The following MMP16 variants were observed in gnomAD, a reference collection of about 807,000 sequenced individuals.
The protein encoded by MMP16 is matrix metalloproteinase-16.
Under a neutral mutation model 67.8 loss-of-function variants are expected in MMP16, and 12 were observed. That is an observed-to-expected ratio of 0.18 (90% CI 0.11 to 0.29). The LOEUF (loss-of-function observed/expected upper bound fraction) is 0.29, where lower values mean the gene tolerates loss of function less well. Among genes scored for constraint, MMP16 ranks in the 10% least tolerant of loss-of-function variants. The probability of loss-of-function intolerance (pLI) is 1.00; values close to 1 mark genes in which losing one functional copy is unlikely to be tolerated. For synonymous variants in MMP16, 249 were observed against 255.9 expected (o/e 0.97, Z 0.26); for missense variants, 475 against 765.7 (o/e 0.62, Z 4.48).
chr8:88,177,034 T>A (rs929709516), intron 3 of MMP16, among the ~76,000 whole-genome samples: 14 of 152,240 alleles, frequency 9.2e-5, no homozygotes, highest in Non-Finnish European at 2.9e-5. Context: ...TCTCTTCATT[T>A]TTTGTTCATC....
At chr8:88,303,414 A>G (rs1291813285) in intron 1 of MMP16, among the ~76,000 whole-genome samples, 1 of 152,140 alleles carries the variant, frequency 6.6e-6, no homozygotes, top group Non-Finnish European at 1.5e-5. Flanking sequence ...GCCTGTCCAG[A>G]AGAAGAGGGG....
chr8:88,129,142 T>C (rs1807985678), intron 4 of MMP16, among the ~76,000 whole-genome samples: 1 of 151,786 alleles, frequency 6.6e-6, no homozygotes, highest in Admixed American at 6.6e-5. Context: ...CACCTGGATA[T>C]ATTTACATAC....
At chr8:88,301,601 G>T (rs1811100204) in intron 1 of MMP16, among the ~76,000 whole-genome samples, 1 of 152,092 alleles carries the variant, frequency 6.6e-6, no homozygotes, top group Non-Finnish European at 1.5e-5. Flanking sequence ...GACATTATGT[G>T]TATATAGTTA....
chr8:88,225,691 A>G (rs547989341), intron 1 of MMP16, among the ~76,000 whole-genome samples: 1 of 151,644 alleles, frequency 6.6e-6, no homozygotes, highest in African/African-American at 2.4e-5. Context: ...GTGCTCAAGT[A>G]GTATCAATAT....
chr8:88,108,612 C>A (rs181603606), intron 6 of MMP16, among the ~76,000 whole-genome samples: 1 of 151,132 alleles, frequency 6.6e-6, no homozygotes, highest in Non-Finnish European at 1.5e-5. Flanking sequence ...TGATTGATAG[C>A]GCTGGGATTG....
rs138404888 is a variant in MMP16 at position 88,247,154 on chromosome 8, T to C, written c.133-49848A>G. Reference sequence around the variant, plus strand: ...AGGGTAGGGGCACGGTCAACATTCATTGTATCTTAAATCTTCATACAATGT... The same window carrying C: ...AGGGTAGGGGCACGGTCAACATTCACTGTATCTTAAATCTTCATACAATGT... On this transcript the variant is annotated intron_variant, in intron 1 of 9. Transcript: ENST00000286614. Among the ~76,000 whole-genome samples, 966 of 152,226 alleles carry C rather than the reference T, an allele frequency of 6.3e-3. 13 individuals are homozygous for C. Among genetic ancestry groups the C allele is most frequent in the African/African-American group, 0.022 (911 of 41,554 alleles).
At chr8:88,208,291 C>T (rs566617257) in intron 1 of MMP16, among the ~76,000 whole-genome samples, 1 of 152,080 alleles carries the variant, frequency 6.6e-6, no homozygotes, top group Non-Finnish European at 1.5e-5. Context: ...AGCTGCTACC[C>T]CATAAGCCTT....
chr8:88,177,758 G>A (rs189384283), intron 3 of MMP16, among the ~76,000 whole-genome samples: 8 of 152,094 alleles, frequency 5.3e-5, no homozygotes, highest in African/African-American at 1.9e-4. Context: ...TTACATAAAC[G>A]AAGAAAAACA....
chr8:88,041,237 G>A lies in MMP16; in HGVS notation c.*224C>T. 1 of 505,260 alleles carries A rather than the reference G, an allele frequency of 2.0e-6. No homozygotes were observed. The allele number at this position is 505,260 out of a possible 1,614,324, so 31.3% of individuals were successfully genotyped here. On this transcript the variant is annotated 3_prime_UTR_variant, in exon 10 of 10. Coordinates refer to ENST00000286614, the MANE Select transcript of MMP16 (RefSeq NM_005941.5). This position sits in a 1 kb window ranked among gnomAD's most constrained non-coding sequence, Gnocchi z 6.0. ...GGCCTAGAACTGAATGACAAAGAAA[G>A]ACAAAGGACTGAAGAACAGCAGATA...
chr8:88,151,446 T>G (rs1244558917), intron 4 of MMP16, among the ~76,000 whole-genome samples: 7 of 150,688 alleles, frequency 4.6e-5, no homozygotes, highest in African/African-American at 1.7e-4. Context: ...ATTCCAAAAT[T>G]GACCACATAG....
intron 4 of MMP16, among the ~76,000 whole-genome samples, chr8:88,144,618 C>T (rs1179438785): frequency 4.0e-5 from 6 of 151,428 alleles, no homozygotes; most frequent in Admixed American, 2.6e-4. Context: ...TAATAAAGTT[C>T]CATTTTATAT....
chr8:88,239,917 G>C (rs546096383), intron 1 of MMP16, among the ~76,000 whole-genome samples: 3 of 152,098 alleles, frequency 2.0e-5, no homozygotes, highest in Non-Finnish European at 4.4e-5. Flanking sequence ...AAATATTTGG[G>C]GATTTATTAA....
chr8:88,128,786 T>G (rs1807978600), intron 4 of MMP16, among the ~76,000 whole-genome samples: 1 of 151,768 alleles, frequency 6.6e-6, no homozygotes, highest in Admixed American at 6.6e-5. Context: ...CCCAAGAAAA[T>G]ACTGGGAAAG....
At chr8:88,207,197 AAC>A (rs1432505287) in intron 1 of MMP16, among the ~76,000 whole-genome samples, 17 of 152,216 alleles carry the variant, frequency 1.1e-4, no homozygotes, top group Admixed American at 4.6e-4. Context: ...TAGGCACACA[AAC>A]ACAGACTATA....
At chr8:88,193,429 A>C (rs1358575357) in intron 2 of MMP16, among the ~76,000 whole-genome samples, 1 of 152,080 alleles carries the variant, frequency 6.6e-6, no homozygotes, top group Non-Finnish European at 1.5e-5. Context: ...TGGTTACTAG[A>C]GGCTGGGAAG....
chr8:88,179,728 G>A (rs1157748902), intron 3 of MMP16, among the ~76,000 whole-genome samples: 2 of 152,112 alleles, frequency 1.3e-5, no homozygotes, highest in Non-Finnish European at 2.9e-5. Flanking sequence ...TACCTGTGAA[G>A]TAGTATAATG....
intron 4 of MMP16, among the ~76,000 whole-genome samples, chr8:88,131,414 GT>G (rs962917070): frequency 9.9e-5 from 15 of 151,664 alleles, no homozygotes; most frequent in African/African-American, 3.4e-4. Context: ...TTCCTTTGAT[GT>G]TTGCTCATGG....
At chr8:88,072,359 C>A (rs1808573452) in intron 7 of MMP16, among the ~76,000 whole-genome samples, 2 of 152,086 alleles carry the variant, frequency 1.3e-5, no homozygotes, top group Non-Finnish European at 2.9e-5. Flanking sequence ...ACTGGGAACA[C>A]CCAGAACTTC....
intron 6 of MMP16, among the ~76,000 whole-genome samples, chr8:88,098,231 C>G (rs1352319902): frequency 6.6e-6 from 1 of 152,012 alleles, no homozygotes; most frequent in Admixed American, 6.6e-5. Flanking sequence ...GGATGTATTA[C>G]TACACTAGTA....
Sources: gnomAD v4.1 joint callset for allele counts (sites outside exome capture counted in the v4.1 genomes callset) on GRCh38, gnomAD v4.1.1 for gene constraint, Gnocchi (gnomAD v3.1) non-coding constraint, MANE v1.5 for transcripts, NCBI Gene and HGNC (gene_info 2026-07-23, HGNC 2026-07-21) for gene names.